Variants in RSF1 observed in about 807,000 individuals in gnomAD.
The protein encoded by RSF1 is HBV pX-associated protein 8.
Under a neutral mutation model 145.2 loss-of-function variants are expected in RSF1, and 13 were observed. The ratio of observed to expected loss-of-function variants is 0.09; its 90% confidence interval spans 0.06 to 0.14. The LOEUF is 0.14. Ranked by LOEUF, RSF1 falls within the 10% of genes least tolerant of loss-of-function variation. RSF1 has a pLI of 1.00. For synonymous variants in RSF1, 577 were observed against 592.6 expected (o/e 0.97, Z 0.38); for missense variants, 1,517 against 1,718.2 (o/e 0.88, Z 2.07).
chr11:77,668,921 C>CAT (rs55905664), intron 15 of RSF1, among the ~76,000 whole-genome samples: 152,181 of 152,252 alleles, frequency 1, 76,055 homozygotes, highest in Middle Eastern at 1. Context: ...TAACGGCTCT[C>CAT]ATTTATTTTA....
chr11:77,820,792 A>AAGG, upstream of RSF1: 1 of 1,427,356 alleles, frequency 7.0e-7, no homozygotes, highest in Admixed American at 2.3e-5. Context: ...AGGCAACCTT[A>AAGG]CAGACGACAG....
At chr11:77,722,807 C>G (rs991166392) in intron 5 of RSF1, among the ~76,000 whole-genome samples, 15 of 152,190 alleles carry the variant, frequency 9.9e-5, no homozygotes, top group African/African-American at 3.4e-4. Flanking sequence ...CCCCCATTAT[C>G]TACTATAAGG....
At chr11:77,708,269 A>G (rs1960600649) in intron 5 of RSF1, among the ~76,000 whole-genome samples, 1 of 152,192 alleles carries the variant, frequency 6.6e-6, no homozygotes, top group Non-Finnish European at 1.5e-5. Flanking sequence ...ATATAGAAAA[A>G]TTCGTCAGGC....
intron 1 of RSF1, among the ~76,000 whole-genome samples, chr11:77,771,222 T>A (rs1247929863): frequency 6.6e-6 from 1 of 152,136 alleles, no homozygotes; most frequent in Non-Finnish European, 1.5e-5. Flanking sequence ...TCAAATCTAG[T>A]GAAAAGTTCA....
In RSF1 at chr11:77,820,611, G is replaced by A. The variant is rs776043586; in HGVS notation, c.104C>T (p.Pro35Leu). 2 of 1,566,934 alleles carry A rather than the reference G, an allele frequency of 1.3e-6. No individual in the cohort carries two copies. The highest frequency in any genetic ancestry group is 1.2e-5 in the South Asian group (1 of 85,210). ...VVCSFLERYG[P>L]LLDLPELPFP... ...CGGCAACTCAGGCAGGTCTAGCAGC[G>A]GCCCGTAGCGCTCCAAGAAGGAGCA... The change falls in exon 1 of 16, where the codon CCG becomes CTG. Residue 35 changes from proline (P) to leucine (L), a missense_variant. Coordinates refer to ENST00000308488, the MANE Select transcript of RSF1 (RefSeq NM_016578.4).
chr11:77,769,272 A>G (rs539864168), intron 1 of RSF1, among the ~76,000 whole-genome samples: 6 of 152,296 alleles, frequency 3.9e-5, no homozygotes, highest in African/African-American at 1.2e-4. Flanking sequence ...CCAGCCATCA[A>G]TCATATTTTT....
intron 1 of RSF1, among the ~76,000 whole-genome samples, chr11:77,769,498 T>A (rs67230007): frequency 6.6e-6 from 1 of 152,038 alleles, no homozygotes; most frequent in South Asian, 2.1e-4. Flanking sequence ...ACAAACCCCC[T>A]TCTTTCACAG....
chr11:77,694,263 C>T (rs371612111), intron 7 of RSF1, among the ~76,000 whole-genome samples: 2 of 152,092 alleles, frequency 1.3e-5, no homozygotes, highest in Non-Finnish European at 2.9e-5. Context: ...TACCCTACCA[C>T]ACAGAATTTT....
chr11:77,672,606 T>C (rs569723206), intron 14 of RSF1, among the ~76,000 whole-genome samples: 1 of 152,146 alleles, frequency 6.6e-6, no homozygotes, highest in South Asian at 2.1e-4. Context: ...ACTCAATCTG[T>C]GCAGGTTTTT....
intron 6 of RSF1, among the ~76,000 whole-genome samples, chr11:77,700,177 C>T (rs1268190386): frequency 1.3e-5 from 2 of 151,686 alleles, no homozygotes; most frequent in Non-Finnish European, 2.9e-5. Flanking sequence ...ATGGCGAAAA[C>T]CCACCTCTAT....
intron 1 of RSF1, among the ~76,000 whole-genome samples, chr11:77,771,645 GC>G (rs1304614660): frequency 6.6e-6 from 1 of 152,158 alleles, no homozygotes; most frequent in Non-Finnish European, 1.5e-5. Context: ...AATCTAGGCG[GC>G]AGGAAGCAGA....
At chr11:77,712,773 G>A (rs1960717545) in intron 5 of RSF1, among the ~76,000 whole-genome samples, 1 of 152,014 alleles carries the variant, frequency 6.6e-6, no homozygotes, top group Non-Finnish European at 1.5e-5. Flanking sequence ...TATTCAAATT[G>A]TACTTACATA....
intron 1 of RSF1, among the ~76,000 whole-genome samples, chr11:77,777,890 T>G (rs1446055540): frequency 2.0e-5 from 3 of 151,058 alleles, no homozygotes; most frequent in African/African-American, 7.3e-5. Flanking sequence ...TTAACATCCT[T>G]ACTACTCTTC....
intron 1 of RSF1, among the ~76,000 whole-genome samples, chr11:77,811,569 G>A (rs941023495): frequency 3.3e-5 from 5 of 152,156 alleles, no homozygotes; most frequent in African/African-American, 1.2e-4. Flanking sequence ...CTAATGACGG[G>A]TACAGTGAGC....
At chr11:77,721,855 T>C (rs1777232355) in intron 5 of RSF1, among the ~76,000 whole-genome samples, 1 of 152,134 alleles carries the variant, frequency 6.6e-6, no homozygotes, top group African/African-American at 2.4e-5. Context: ...ATTTTGTTGT[T>C]AGAGAAAGAG....
At chr11:77,795,378 C>G (rs1590891761) in intron 1 of RSF1, among the ~76,000 whole-genome samples, 1 of 152,234 alleles carries the variant, frequency 6.6e-6, no homozygotes, top group East Asian at 1.9e-4. Context: ...AAAAACCCTG[C>G]AGAACAGCCA....
chr11:77,848,266 A>G, the RSF1 span, among the ~76,000 whole-genome samples: 1 of 152,180 alleles, frequency 6.6e-6, no homozygotes, highest in Non-Finnish European at 1.5e-5. Flanking sequence ...TGGCTTCCAC[A>G]CTTGAGAGAT....
At chr11:77,868,141 T>C in the RSF1 span, among the ~76,000 whole-genome samples, 3 of 150,768 alleles carry the variant, frequency 2.0e-5, no homozygotes, top group South Asian at 4.3e-4. Flanking sequence ...CTGCAAGCTC[T>C]GCCTCCCAGG....
chr11:77,708,723 C>T (rs905118785), intron 5 of RSF1, among the ~76,000 whole-genome samples: 1 of 152,202 alleles, frequency 6.6e-6, no homozygotes, highest in African/African-American at 2.4e-5. Context: ...CAATAAAGCA[C>T]AAGGCCCTGC....
Sources: allele counts gnomAD v4.1 joint callset (sites outside exome capture counted in the v4.1 genomes callset), GRCh38; gene constraint gnomAD v4.1.1; transcripts MANE v1.5; gene names NCBI Gene and HGNC (gene_info 2026-07-23, HGNC 2026-07-21).